The following STX8 variants were observed in gnomAD, a reference collection of about 807,000 sequenced individuals.
The protein encoded by STX8 is syntaxin-8.
Under a neutral mutation model 37.5 loss-of-function variants are expected in STX8, and 23 were observed. The ratio of observed to expected loss-of-function variants is 0.61; its 90% confidence interval spans 0.44 to 0.87. The LOEUF is 0.87. STX8 is among the 40% of genes least tolerant of loss of function. The pLI is 0.00. For synonymous variants in STX8, 115 were observed against 99.1 expected (o/e 1.16, Z -0.95); for missense variants, 313 against 284.7 (o/e 1.10, Z -0.71).
intron 7 of STX8, among the ~76,000 whole-genome samples, chr17:9,341,388 C>T (rs1448028191): frequency 2.0e-5 from 3 of 152,168 alleles, no homozygotes; most frequent in Non-Finnish European, 4.4e-5. Flanking sequence ...AGTGAAAATA[C>T]GTAATTGGCA....
chr17:9,543,203 T>C (rs1179574558), intron 4 of STX8, among the ~76,000 whole-genome samples: 2 of 152,090 alleles, frequency 1.3e-5, no homozygotes, highest in African/African-American at 4.8e-5. Flanking sequence ...TATTCCTCCA[T>C]GAAACAAGCT....
At chr17:9,459,886 C>T (rs996509613) in intron 6 of STX8, among the ~76,000 whole-genome samples, 19 of 152,192 alleles carry the variant, frequency 1.2e-4, no homozygotes, top group African/African-American at 3.6e-4. Context: ...TTCAAAAACA[C>T]ATCAAATAAG....
chr17:9,303,849 A>G (rs1363727923), intron 7 of STX8, among the ~76,000 whole-genome samples: 1 of 152,184 alleles, frequency 6.6e-6, no homozygotes, highest in Non-Finnish European at 1.5e-5. Context: ...TAGAAAAAAA[A>G]TCCATGAAAT....
intron 6 of STX8, among the ~76,000 whole-genome samples, chr17:9,393,593 T>G (rs1162423001): frequency 6.6e-6 from 1 of 152,168 alleles, no homozygotes; most frequent in Non-Finnish European, 1.5e-5. Flanking sequence ...ACACTCCATG[T>G]GAAAAGATTA....
At chr17:9,313,622 A>T (rs1909271367) in intron 7 of STX8, among the ~76,000 whole-genome samples, 1 of 152,176 alleles carries the variant, frequency 6.6e-6, no homozygotes, top group Non-Finnish European at 1.5e-5. Flanking sequence ...TGTAAGGGTC[A>T]CTTCTATCTC....
intron 7 of STX8, among the ~76,000 whole-genome samples, chr17:9,359,116 C>T (rs1210337165): frequency 1.3e-5 from 2 of 151,336 alleles, no homozygotes; most frequent in Non-Finnish European, 2.9e-5. Context: ...AATCTTGGCT[C>T]ACTGCAACCT....
intron 7 of STX8, among the ~76,000 whole-genome samples, chr17:9,296,327 CAGAG>C: frequency 1.1e-5 from 1 of 94,654 alleles, no homozygotes; most frequent in Admixed American, 1.0e-4. Flanking sequence ...GCCTGGGCGA[CAGAG>C]ACTCTGTCTC....
At chr17:9,429,679 G>C (rs745898212) in intron 6 of STX8, among the ~76,000 whole-genome samples, 13 of 117,334 alleles carry the variant, frequency 1.1e-4, no homozygotes, top group Non-Finnish European at 1.7e-4. Flanking sequence ...CTCCAGCCTG[G>C]GCGACAGTGC....
At chr17:9,531,832 T>TA (rs1905830994) in intron 4 of STX8, among the ~76,000 whole-genome samples, 1 of 150,244 alleles carries the variant, frequency 6.7e-6, no homozygotes, top group Non-Finnish European at 1.5e-5. Flanking sequence ...TTTTTTTTTT[T>TA]AAAGTACTAT....
At chr17:9,353,834 TATAAC>T (rs1910792702) in intron 7 of STX8, among the ~76,000 whole-genome samples, 2 of 152,176 alleles carry the variant, frequency 1.3e-5, no homozygotes, top group South Asian at 4.1e-4. Context: ...TTTCTCAAGA[TATAAC>T]AGAACCTACA....
chr17:9,306,913 C>T (rs914634049), intron 7 of STX8, among the ~76,000 whole-genome samples: 17 of 151,978 alleles, frequency 1.1e-4, no homozygotes, highest in African/African-American at 4.1e-4. Flanking sequence ...ATCATGAGGT[C>T]AGCAGTTTGA....
At chr17:9,440,100 T>C (rs1403811481) in intron 6 of STX8, among the ~76,000 whole-genome samples, 2 of 152,084 alleles carry the variant, frequency 1.3e-5, no homozygotes, top group Admixed American at 1.3e-4. Context: ...AAAATACCAC[T>C]GGGAAAAGGG....
At chr17:9,473,242 C>T (rs184775080) in intron 6 of STX8, among the ~76,000 whole-genome samples, 108 of 152,204 alleles carry the variant, frequency 7.1e-4, no homozygotes, top group African/African-American at 2.2e-3. Flanking sequence ...TGGTCTCGAA[C>T]TCCTGACCTC....
At chr17:9,473,924 G>C (rs1905988787) in intron 6 of STX8, among the ~76,000 whole-genome samples, 1 of 152,170 alleles carries the variant, frequency 6.6e-6, no homozygotes. Context: ...CAATTTCAAA[G>C]AAAGGGCTAG....
At chr17:9,311,475 T>C (rs1909186353) in intron 7 of STX8, among the ~76,000 whole-genome samples, 1 of 152,224 alleles carries the variant, frequency 6.6e-6, no homozygotes, top group Non-Finnish European at 1.5e-5. Flanking sequence ...ATATGTAATA[T>C]TAACAGTGAG....
chr17:9,496,567 A>G (rs543687757), intron 5 of STX8, among the ~76,000 whole-genome samples: 14 of 152,262 alleles, frequency 9.2e-5, no homozygotes, highest in Non-Finnish European at 1.8e-4. Context: ...TACAGATAGA[A>G]TAATATCCCC....
chr17:9,431,489 G>T lies in STX8; in HGVS notation c.542-52836C>A, dbSNP rs930097980. Among the ~76,000 whole-genome samples the T allele has an allele frequency of 3.3e-5, 5 of 150,556 alleles. No homozygotes were observed. The East Asian group carries it at 7.8e-4, about 23-fold the overall frequency. On this transcript the variant is annotated intron_variant, in intron 6 of 7. Coordinates refer to ENST00000306357, the MANE Select transcript of STX8 (RefSeq NM_004853.3). ...TTTTTTGTTTTTTAGTAGAGATGGG[G>T]TTTCACCATGTTGGCCAGGATGGTC...
chr17:9,554,526 G>A (rs1906892257), intron 3 of STX8: 1 of 152,196 alleles, frequency 6.6e-6, no homozygotes, highest in African/African-American at 2.4e-5. Context: ...AAGGAGGTTA[G>A]GGGAAGGGAA....
At chr17:9,575,768 C>T in intron 1 of STX8, 24 bp downstream of exon 1, 1 of 1,546,718 alleles carries the variant, frequency 6.5e-7, no homozygotes, top group East Asian at 2.4e-5. Flanking sequence ...CCTCCACGCA[C>T]CGCCGCCCTC....
Sources: allele counts gnomAD v4.1 joint callset (sites outside exome capture counted in the v4.1 genomes callset), GRCh38; gene constraint gnomAD v4.1.1; transcripts MANE v1.5; gene names NCBI Gene and HGNC (gene_info 2026-07-23, HGNC 2026-07-21).